PIEZO2: variants seen among roughly 807,000 people sequenced by gnomAD.
The protein encoded by PIEZO2 is piezo-type mechanosensitive ion channel component 2.
In PIEZO2, 172 loss-of-function variants were observed where a neutral mutation model predicts 337.3. The ratio of observed to expected loss-of-function variants is 0.51; its 90% CI spans 0.45 to 0.58. PIEZO2 has a LOEUF of 0.58. Ranked by LOEUF, PIEZO2 falls within the 20% of genes least tolerant of loss-of-function variation. The pLI is 0.00. For missense variants in PIEZO2, 3,028 were observed against 3,391.3 expected, an observed-to-expected ratio of 0.89 and a Z score of 2.66; for synonymous variants, 1,251 against 1,228.5, an observed-to-expected ratio of 1.02 and a Z score of -0.38.
chr18:10,671,813 C>G, intron 55 of PIEZO2, 34 bp from the exon 56 acceptor site: 1 of 1,549,422 alleles, frequency 6.5e-7, no homozygotes, highest in Non-Finnish European at 8.7e-7. Context: ...TTGCATACAG[C>G]AGTTAAATAT....
Position 10,986,471 on chromosome 18 carries a change from C to T in PIEZO2, c.161-6811G>A, listed in dbSNP as rs556508564. On this transcript the variant is annotated intron_variant, in intron 2 of 55. Coordinates refer to ENST00000674853, the MANE Select transcript of PIEZO2 (RefSeq NM_001378183.1). ...AATGTTATACACCACATTAACAGAACGAGTGATAAAAATCTCAATAGATGC... is the reference window on the plus strand; with the variant it reads ...AATGTTATACACCACATTAACAGAATGAGTGATAAAAATCTCAATAGATGC... 3.9e-5 allele frequency among the ~76,000 whole-genome samples: 6 copies of T among 151,908 alleles called. No homozygotes were observed. In the East Asian group the frequency reaches 5.8e-4, roughly 15 times the overall value.
rs2036574573 is a variant in PIEZO2 at position 10,727,119 on chromosome 18, C to T, written c.5029+4288G>A. The T allele has an allele frequency of 2.2e-6, 1 of 454,880 alleles. No homozygotes were observed. Among genetic ancestry groups the T allele is most frequent in the Non-Finnish European group, 3.8e-6 (1 of 261,792 alleles). 28.2% of individuals were successfully genotyped at this position (454,880 alleles called of 1,614,324 possible). A position where few individuals can be genotyped will look rare whatever the true frequency, so the allele number is the denominator to read the frequency against. ...AAGGGTTTGTGTCCCTTGCTAGCCTCCCTGGGGCCTGGGGATCTGCAGCAG... is the reference window on the plus strand; with the variant it reads ...AAGGGTTTGTGTCCCTTGCTAGCCTTCCTGGGGCCTGGGGATCTGCAGCAG... On this transcript the variant is annotated intron_variant, in intron 36 of 55. Transcript: ENST00000674853. This position sits in a 1 kb window ranked among gnomAD's most constrained non-coding sequence, Gnocchi z 6.3.
rs1219508829 is a variant in PIEZO2 at position 11,132,551 on chromosome 18, G to A, written c.64+15974C>T. On this transcript the variant is annotated intron_variant, in intron 1 of 55. Transcript: ENST00000674853. This position sits in a 1 kb window ranked among gnomAD's most constrained non-coding sequence, Gnocchi z 4.7. Reference sequence around the variant, plus strand: ...GATTCATATGTCCGGGAATCAGAAGGTAGAAGTAGAAGTGGCACCACTCAC... The same window carrying A: ...GATTCATATGTCCGGGAATCAGAAGATAGAAGTAGAAGTGGCACCACTCAC... Among the ~76,000 whole-genome samples the A allele has an allele frequency of 1.3e-5, 2 of 152,162 alleles. No individual in the cohort carries two copies. Among genetic ancestry groups the A allele is most frequent in the African/African-American group, 4.8e-5 (2 of 41,438 alleles).
Position 10,747,022 on chromosome 18 carries a change from A to G in PIEZO2, c.4424+1449T>C, listed in dbSNP as rs148838337. 8.6e-3 allele frequency among the ~76,000 whole-genome samples: 1,308 copies of G among 152,296 alleles called. 13 individuals are homozygous for G. The highest frequency in any genetic ancestry group is 0.03 in the African/African-American group (1,237 of 41,560). On this transcript the variant is annotated intron_variant, in intron 30 of 55. Transcript: ENST00000674853. ...GGTGAACATCACCTCTTTGTAACAG[A>G]GTTGGCAGTGAAAAAATGAATGAAT...
At chr18:10,976,177 C>G (rs1472950588) in intron 3 of PIEZO2, among the ~76,000 whole-genome samples, 1 of 152,180 alleles carries the variant, frequency 6.6e-6, no homozygotes, top group South Asian at 2.1e-4. Flanking sequence ...GTGCTCTGGG[C>G]TGAAAACCTG....
intron 3 of PIEZO2, among the ~76,000 whole-genome samples, chr18:10,976,577 C>T (rs1275777440): frequency 6.6e-6 from 1 of 151,998 alleles, no homozygotes; most frequent in Non-Finnish European, 1.5e-5. Flanking sequence ...ACTGTTATGA[C>T]TTCTATTAAA....
intron 26 of PIEZO2, among the ~76,000 whole-genome samples, chr18:10,758,616 T>C (rs1165784361): frequency 6.6e-6 from 1 of 152,178 alleles, no homozygotes; most frequent in Non-Finnish European, 1.5e-5. Flanking sequence ...TGGCTAATTT[T>C]TTTTACCTCC....
At chr18:10,798,342 A>C (rs2144247169) in intron 11 of PIEZO2, among the ~76,000 whole-genome samples, 1 of 152,364 alleles carries the variant, frequency 6.6e-6, no homozygotes, top group South Asian at 2.1e-4. Context: ...TCTTAGCAGC[A>C]TAAAGAGGTA....
rs1387271540 is a variant in PIEZO2 at position 10,837,953 on chromosome 18, T to C, written c.917+17400A>G. Reference sequence around the variant, plus strand: ...TTTTAGTAGAGACGGGGTTTCGTCATGTTGGCCAGGCTGGTCTCGAACTCC... The same window carrying C: ...TTTTAGTAGAGACGGGGTTTCGTCACGTTGGCCAGGCTGGTCTCGAACTCC... On this transcript the variant is annotated intron_variant, in intron 7 of 55. Transcript: ENST00000674853. This position sits in a 1 kb window ranked among gnomAD's most constrained non-coding sequence, Gnocchi z 4.4. 6.6e-6 allele frequency among the ~76,000 whole-genome samples: 1 copy of C among 152,142 alleles called. No individual in the cohort carries two copies. The highest frequency in any genetic ancestry group is 1.5e-5 in the Non-Finnish European group (1 of 68,028).
chr18:10,958,979 A>G (rs2033655324), intron 3 of PIEZO2, among the ~76,000 whole-genome samples: 1 of 152,218 alleles, frequency 6.6e-6, no homozygotes, highest in Admixed American at 6.5e-5. Context: ...CAAAGCTAAT[A>G]ATAAATAATT....
intron 1 of PIEZO2, among the ~76,000 whole-genome samples, chr18:11,071,207 A>G (rs770186691): frequency 6.6e-6 from 1 of 152,210 alleles, no homozygotes; most frequent in African/African-American, 2.4e-5. Context: ...GGTTCAAAGC[A>G]GAAAGAAATG....
At chr18:10,718,106 T>A (rs538802784) in intron 37 of PIEZO2, 94 bp downstream of exon 37, 2 of 1,089,430 alleles carry the variant, frequency 1.8e-6, no homozygotes, top group Non-Finnish European at 2.7e-6. Context: ...CAGTGTTCGA[T>A]TCACAATTTT....
At chr18:10,974,141 G>T (rs1013750546) in intron 3 of PIEZO2, among the ~76,000 whole-genome samples, 16 of 152,166 alleles carry the variant, frequency 1.1e-4, no homozygotes, top group African/African-American at 3.9e-4. Context: ...AGGATAAACT[G>T]CCAGGCTGGG....
At position 10,780,199 on chromosome 18, in the gene PIEZO2, G is replaced by A. The variant is rs1191735975; in HGVS notation, c.2534+126C>T. 8 of 655,310 alleles carry A rather than the reference G, an allele frequency of 1.2e-5. No individual in the cohort carries two copies. In the East Asian group the frequency reaches 1.9e-4, roughly 16 times the overall value. The allele number at this position is 655,310 out of a possible 1,614,324, so 40.6% of individuals were successfully genotyped here. ...GGTTTGGTTTGCAAAATACATCCAT[G>A]AGCATACCTGAAGACCAGTGTCCAC... On this transcript the variant is annotated intron_variant, in intron 18 of 55. Transcript: ENST00000674853.
intron 40 of PIEZO2, among the ~76,000 whole-genome samples, chr18:10,706,201 C>T (rs910610086): frequency 3.9e-5 from 6 of 152,182 alleles, no homozygotes; most frequent in African/African-American, 1.2e-4. Context: ...CCATCCTACA[C>T]AACAGACCCA....
chr18:11,078,463 C>G lies in PIEZO2; in HGVS notation c.65-12241G>C, dbSNP rs1191090554. 1.3e-5 allele frequency among the ~76,000 whole-genome samples: 2 copies of G among 152,196 alleles called. No homozygotes were observed. Among genetic ancestry groups the G allele is most frequent in the Non-Finnish European group, 2.9e-5 (2 of 68,044 alleles). On this transcript the variant is annotated intron_variant, in intron 1 of 55. Transcript: ENST00000674853. The surrounding 1 kb of genome is among the most constrained non-coding windows in gnomAD (Gnocchi z 5.3). ...GCGACCCAACATTACATCTTAACAA[C>G]TAATACAGCCGTAAATTGATTAAAA...
At chr18:10,914,661 G>A (rs1256677078) in intron 3 of PIEZO2, among the ~76,000 whole-genome samples, 1 of 151,976 alleles carries the variant, frequency 6.6e-6, no homozygotes, top group Non-Finnish European at 1.5e-5. Context: ...GGATACGGAG[G>A]GCCAACTGTA....
At chr18:10,703,867 C>T (rs9789108) in intron 42 of PIEZO2, among the ~76,000 whole-genome samples, 1 of 152,126 alleles carries the variant, frequency 6.6e-6, no homozygotes, top group Non-Finnish European at 1.5e-5. Flanking sequence ...TGTGTTGCGA[C>T]GTATGGAACT....
chr18:11,050,462 G>A (rs773263004), intron 2 of PIEZO2, among the ~76,000 whole-genome samples: 82 of 152,010 alleles, frequency 5.4e-4, no homozygotes, highest in Non-Finnish European at 8.7e-4. Context: ...GGGGCCATTA[G>A]TGATCTGGCA....
Sources: allele counts gnomAD v4.1 joint callset (sites outside exome capture counted in the v4.1 genomes callset), GRCh38; gene constraint gnomAD v4.1.1; non-coding constraint Gnocchi (gnomAD v3.1); transcripts MANE v1.5; gene names NCBI Gene and HGNC (gene_info 2026-07-23, HGNC 2026-07-21).